The following RAP1GAP2 variants were observed in gnomAD, a reference collection of about 807,000 sequenced individuals.
The protein encoded by RAP1GAP2 is RAP1 GTPase activating protein 2, also known as rap1 GTPase-activating protein 2.
RAP1GAP2 carries 27 observed loss-of-function variants against 95.0 expected under a neutral mutation model. The observed-to-expected ratio is 0.28, with a 90% CI of 0.21 to 0.39. The LOEUF is 0.39. Ranked by LOEUF, RAP1GAP2 falls within the 10% of genes least tolerant of loss-of-function variation. The pLI is 1.00. For synonymous variants in RAP1GAP2, 373 were observed against 380.9 expected (o/e 0.98, Z 0.24); for missense variants, 771 against 970.0 (o/e 0.79, Z 2.72).
At chr17:2,793,297 G>A (rs572114829), upstream of RAP1GAP2, among the ~76,000 whole-genome samples, 1 of 152,202 alleles carries the variant, frequency 6.6e-6, no homozygotes, top group East Asian at 1.9e-4. Context: ...GGGAATACAG[G>A]CATGTGCCAC....
chr17:2,763,510 T>A (rs1452244222), intron 1 of RAP1GAP2, among the ~76,000 whole-genome samples: 2 of 151,848 alleles, frequency 1.3e-5, no homozygotes, highest in East Asian at 3.9e-4. Context: ...AGGCTGGCAA[T>A]CATGGTGCAA....
At chr17:2,937,683 A>G (rs1177413787) in intron 3 of RAP1GAP2, among the ~76,000 whole-genome samples, 1 of 152,164 alleles carries the variant, frequency 6.6e-6, no homozygotes, top group Admixed American at 6.5e-5. Flanking sequence ...ATAGTCTTTT[A>G]TGTCAGAATT....
chr17:2,980,212 A>G (rs2045304997), intron 8 of RAP1GAP2, 75 bp from the exon 9 acceptor site: 2 of 1,439,398 alleles, frequency 1.4e-6, no homozygotes, highest in African/African-American at 2.8e-5. Context: ...CAAAATGCTG[A>G]GATGACAGGC....
chr17:2,944,091 A>C (rs6502638), intron 3 of RAP1GAP2, among the ~76,000 whole-genome samples: 9 of 148,218 alleles, frequency 6.1e-5, no homozygotes, highest in Non-Finnish European at 1.5e-5. Context: ...AGAGGTTGCT[A>C]TGAGCCGAGA....
intron 2 of RAP1GAP2, among the ~76,000 whole-genome samples, chr17:2,843,170 C>T (rs1178668352): frequency 6.6e-6 from 1 of 152,064 alleles, no homozygotes; most frequent in Non-Finnish European, 1.5e-5. Context: ...AACAAGCCAG[C>T]GGCTAGGTGC....
chr17:2,925,765 C>G (rs1032564743), intron 3 of RAP1GAP2, among the ~76,000 whole-genome samples: 25 of 152,070 alleles, frequency 1.6e-4, no homozygotes, highest in African/African-American at 6.0e-4. Flanking sequence ...GGCCAGCAGC[C>G]CTGGTCAGAT....
rs1479517933 is a variant in RAP1GAP2 at position 2,817,525 on chromosome 17, T to A, written c.80+16975T>A. Among the ~76,000 whole-genome samples the A allele has an allele frequency of 1.6e-3, 183 of 115,156 alleles. 7 individuals are homozygous for A. The highest frequency in any genetic ancestry group is 4.7e-3 in the East Asian group (20 of 4,222). The allele number at this position is 115,156 out of a possible 152,430, so 75.5% of individuals were successfully genotyped here. On this transcript the variant is annotated intron_variant, in intron 2 of 24. Transcript: ENST00000254695. ...GATCGTATGGCAATTCTATGTATAG[T>A]TTTTTTTTTTTTTGAGGCAGGGTTT...
At chr17:2,978,224 C>T (rs369775023) in intron 8 of RAP1GAP2, among the ~76,000 whole-genome samples, 1 of 152,180 alleles carries the variant, frequency 6.6e-6, no homozygotes, top group Admixed American at 6.5e-5. Context: ...TAAGAACTTT[C>T]ACCTTTCGAC....
chr17:2,929,321 G>A (rs1041807262), intron 3 of RAP1GAP2, among the ~76,000 whole-genome samples: 2 of 152,174 alleles, frequency 1.3e-5, no homozygotes, highest in African/African-American at 4.8e-5. Flanking sequence ...GAGGGGGCAG[G>A]GCCTGTGGAG....
intron 2 of RAP1GAP2, among the ~76,000 whole-genome samples, chr17:2,816,216 C>T (rs1261780475): frequency 1.3e-5 from 2 of 151,204 alleles, no homozygotes; most frequent in East Asian, 3.9e-4. Flanking sequence ...GCTGACCATA[C>T]AGAGGTGCTG....
rs1421085816 is a variant in RAP1GAP2, at chr17:2,993,417, C to T, written c.915-1920C>T. On this transcript the variant is annotated intron_variant, in intron 12 of 24. Transcript: ENST00000254695. The stretch of plus-strand genomic sequence containing the variant: ...TGAAACCACGTCTCTACTAAAAATA[C>T]GAAAAATTAGCCGGGCGTGGTGGCA... Among the ~76,000 whole-genome samples, 18 of 139,784 alleles carry T rather than the reference C, an allele frequency of 1.3e-4. 1 individual carries two copies. Among genetic ancestry groups the T allele is most frequent in the Admixed American group, 1.1e-3 (16 of 14,044 alleles). 91.7% of individuals were successfully genotyped at this position (139,784 alleles called of 152,430 possible). A position where few individuals can be genotyped will look rare whatever the true frequency, so the allele number is the denominator to read the frequency against.
chr17:2,791,999 A>G (rs2068938266), upstream of RAP1GAP2, among the ~76,000 whole-genome samples: 1 of 151,530 alleles, frequency 6.6e-6, no homozygotes, highest in Non-Finnish European at 1.5e-5. Context: ...AGCTGTGATT[A>G]CAGGTGCCCG....
At chr17:2,830,831 G>A (rs1183072727) in intron 2 of RAP1GAP2, among the ~76,000 whole-genome samples, 1 of 151,632 alleles carries the variant, frequency 6.6e-6, no homozygotes, top group African/African-American at 2.4e-5. Context: ...AGATTTGCTT[G>A]TACTCCAATC....
chr17:2,803,108 C>T (rs1233796684), intron 2 of RAP1GAP2, among the ~76,000 whole-genome samples: 1 of 152,016 alleles, frequency 6.6e-6, no homozygotes, highest in Non-Finnish European at 1.5e-5. Context: ...AAGCACTTAT[C>T]GAGGGAGGGC....
chr17:2,812,063 A>G (rs934843152), intron 2 of RAP1GAP2, among the ~76,000 whole-genome samples: 1 of 152,160 alleles, frequency 6.6e-6, no homozygotes, highest in Non-Finnish European at 1.5e-5. Flanking sequence ...TGCAGACTTT[A>G]AAGAACAGAG....
intron 2 of RAP1GAP2, among the ~76,000 whole-genome samples, chr17:2,875,658 A>G (rs193211013): frequency 6.6e-5 from 10 of 152,176 alleles, no homozygotes; most frequent in Non-Finnish European, 1.3e-4. Flanking sequence ...CTCAGATTCA[A>G]CATTGCCTTT....
At chr17:2,841,326 C>T (rs1238363033) in intron 2 of RAP1GAP2, among the ~76,000 whole-genome samples, 5 of 105,138 alleles carry the variant, frequency 4.8e-5, no homozygotes, top group South Asian at 3.1e-4. Flanking sequence ...TTTTTTGAGA[C>T]GGAGTCTTGC....
intron 8 of RAP1GAP2, among the ~76,000 whole-genome samples, chr17:2,967,395 A>G (rs1489883451): frequency 3.3e-5 from 5 of 152,056 alleles, no homozygotes; most frequent in East Asian, 3.9e-4. Context: ...TGACAACAAC[A>G]ACGACGACAA....
intron 2 of RAP1GAP2, among the ~76,000 whole-genome samples, chr17:2,831,283 G>A (rs1236316967): frequency 1.3e-5 from 2 of 149,832 alleles, no homozygotes; most frequent in East Asian, 4.1e-4. Context: ...CACTACATTG[G>A]CCAGGCTGGT....
Sources: allele counts gnomAD v4.1 joint callset (sites outside exome capture counted in the v4.1 genomes callset), GRCh38; gene constraint gnomAD v4.1.1; transcripts MANE v1.5; gene names NCBI Gene and HGNC (gene_info 2026-07-23, HGNC 2026-07-21).